FAT4: variants seen among roughly 807,000 people sequenced by gnomAD.
FAT4 encodes protocadherin Fat 4.
A neutral mutation model predicts 303.9 loss-of-function variants in FAT4; 84 were observed. The ratio of observed to expected loss-of-function variants is 0.28; its 90% CI spans 0.23 to 0.33. FAT4 has a LOEUF of 0.33. FAT4 is among the 10% of genes least tolerant of loss of function. The pLI is 1.00. For synonymous variants in FAT4, 2,307 were observed against 2,298.8 expected, an observed-to-expected ratio of 1.00 and a Z score of -0.10; for missense variants, 6,005 against 6,146.8, an observed-to-expected ratio of 0.98 and a Z score of 0.77.
At position 125,317,272 on chromosome 4, in the gene FAT4, T is replaced by C. The variant is rs1467019547; in HGVS notation, c.861T>C (p.Tyr287=). The change falls in exon 2 of 18, where the codon TAT becomes TAC. Residue 287 remains tyrosine, a synonymous_variant. Coordinates refer to ENST00000394329, the MANE Select transcript of FAT4 (RefSeq NM_001291303.3). The surrounding 1 kb of genome is among the most constrained non-coding windows in gnomAD (Gnocchi z 7.0). Reference sequence around the variant, plus strand: ...AGGGCACCAACGCGGACATCCGCTATCGCCTGCAGGACGAGGGGACCCCCT... The same window carrying C: ...AGGGCACCAACGCGGACATCCGCTACCGCCTGCAGGACGAGGGGACCCCCT... ...ADEGTNADIR[Y]RLQDEGTPFQ... 1.3e-6 allele frequency: 2 copies of C among 1,582,830 alleles called. No homozygotes were observed. The highest frequency in any genetic ancestry group is 2.3e-5 in the East Asian group (1 of 44,432).
rs1727551839 is a variant in FAT4 at position 125,489,918 on chromosome 4, A to G, written c.13102A>G (p.Ile4368Val). 1 of 1,409,078 alleles carries G rather than the reference A, an allele frequency of 7.1e-7. No homozygotes were observed. The highest frequency in any genetic ancestry group is 9.4e-7 in the Non-Finnish European group (1 of 1,060,914). The allele number at this position is 1,409,078 out of a possible 1,614,324, so 87.3% of individuals were successfully genotyped here. The change falls in exon 18 of 18, where the codon ATT (isoleucine) becomes GTT (valine). Residue 4368 changes from isoleucine to valine, a missense_variant. By Grantham distance (29) the Ile-to-Val change is conservative (BLOSUM62 3). Transcript: ENST00000394329. ...DAQTAGFDGC[I>V]ASMWYGGESL... is the part of the protein sequence containing the mutation. ...TCTCCCAGCAGGTTTTGATGGCTGC[A>G]TTGCTTCTATGTGGTATGGTGGAGA...
At chr4:125,420,733 T>G (rs1735257322) in intron 7 of FAT4, among the ~76,000 whole-genome samples, 1 of 152,210 alleles carries the variant, frequency 6.6e-6, no homozygotes, top group Admixed American at 6.5e-5. Flanking sequence ...TTCAAGTGCT[T>G]AAAATACTGC....
chr4:125,383,735 A>G (rs552672802), intron 2 of FAT4, among the ~76,000 whole-genome samples: 17 of 152,326 alleles, frequency 1.1e-4, no homozygotes, highest in African/African-American at 3.6e-4. Context: ...ATATTAAACC[A>G]TATCATGAAA....
At chr4:125,431,192 A>C (rs1307842455) in intron 7 of FAT4, among the ~76,000 whole-genome samples, 1 of 152,234 alleles carries the variant, frequency 6.6e-6, no homozygotes, top group Non-Finnish European at 1.5e-5. Flanking sequence ...ATTAATGTAA[A>C]GACTTTGACT....
Position 125,319,096 on chromosome 4 carries a change from G to C in FAT4, c.2685G>C (p.Gln895His). The C allele has an allele frequency of 6.2e-7, 1 of 1,614,124 alleles. No individual in the cohort carries two copies. Among genetic ancestry groups the C allele is most frequent in the South Asian group, 1.1e-5 (1 of 91,076 alleles). ...ATGACAACTCTCCCCATTTCCTTCA[G>C]GCAATAGAGAGTGTAAATGTGGTGG... ...DLNDNSPHFL[Q>H]AIESVNVVEN... The change falls in exon 2 of 18, where the codon CAG (glutamine) becomes CAC (histidine). Residue 895 changes from glutamine to histidine, a missense_variant. By Grantham distance (24) the Gln-to-His change is conservative (BLOSUM62 0). Transcript: ENST00000394329.
chr4:125,390,108 G>A (rs763404315), intron 2 of FAT4, among the ~76,000 whole-genome samples: 1 of 152,076 alleles, frequency 6.6e-6, no homozygotes. Flanking sequence ...TCCTTTCGTG[G>A]CAATACAGCT....
intron 5 of FAT4, among the ~76,000 whole-genome samples, chr4:125,411,267 T>G (rs2126023593): frequency 6.6e-6 from 1 of 152,144 alleles, no homozygotes; most frequent in Non-Finnish European, 1.5e-5. Context: ...TCAGATCTTT[T>G]ACTGTTTTCA....
intron 2 of FAT4, among the ~76,000 whole-genome samples, chr4:125,356,806 GATAAT>G (rs1732444822): frequency 6.7e-6 from 1 of 149,412 alleles, no homozygotes; most frequent in Non-Finnish European, 1.5e-5. Flanking sequence ...TATAAGATAT[GATAAT>G]ATAACAGATA....
intron 2 of FAT4, among the ~76,000 whole-genome samples, chr4:125,365,943 C>T (rs575478376): frequency 6.6e-6 from 1 of 152,182 alleles, no homozygotes; most frequent in South Asian, 2.1e-4. Context: ...GGCAGGCTAA[C>T]GAGCATTACC....
At position 125,451,800 on chromosome 4, in the gene FAT4, C is replaced by T; in HGVS notation, c.10790C>T (p.Ser3597Phe). The change falls in exon 10 of 18, where the codon TCT becomes TTT. Residue 3597 changes from serine to phenylalanine, a missense_variant. By Grantham distance (155) the Ser-to-Phe change is radical (BLOSUM62 -2). Transcript: ENST00000394329. ...AAGGATTCTGGTGTTCCTCAAATGT[C>T]TTCCACAGGAACTGTGCATATCACA... ...VTKDSGVPQM[S>F]STGTVHITVI... is the part of the protein sequence containing the mutation. 2 of 1,614,184 alleles carry T rather than the reference C, an allele frequency of 1.2e-6. No homozygotes were observed. The highest frequency in any genetic ancestry group is 1.7e-6 in the Non-Finnish European group (2 of 1,180,016).
At chr4:125,322,309 ACT>A (rs1330840848) in intron 2 of FAT4, among the ~76,000 whole-genome samples, 1 of 152,084 alleles carries the variant, frequency 6.6e-6, no homozygotes, top group South Asian at 2.1e-4. Flanking sequence ...GGATAGATAC[ACT>A]CTGTTCTGTT....
At chr4:125,341,158 A>G (rs1488304510) in intron 2 of FAT4, among the ~76,000 whole-genome samples, 2 of 152,204 alleles carry the variant, frequency 1.3e-5, no homozygotes, top group Admixed American at 6.5e-5. Flanking sequence ...TAGGAAAAGC[A>G]ATAGTTCTGA....
In FAT4 at chr4:125,321,138, T is replaced by C. The variant is rs766623170; in HGVS notation, c.4727T>C (p.Ile1576Thr). The change falls in exon 2 of 18, where the codon ATT (isoleucine) becomes ACT (threonine). Residue 1576 changes from isoleucine to threonine, a missense_variant. Ile to Thr is a moderately conservative substitution (Grantham distance 89). Coordinates refer to ENST00000394329, the MANE Select transcript of FAT4 (RefSeq NM_001291303.3). Reference sequence around the variant, plus strand: ...ATCAATGGGGACACAGACACCTTCATTGTTGATCGTTATAGTGGAGACCTG... The same window carrying C: ...ATCAATGGGGACACAGACACCTTCACTGTTGATCGTTATAGTGGAGACCTG... Reference protein sequence around the residue: ...EIINGDTDTFIVDRYSGDLRV... With the variant: ...EIINGDTDTFTVDRYSGDLRV... 7 of 1,614,050 alleles carry C rather than the reference T, an allele frequency of 4.3e-6. No individual in the cohort carries two copies. Among genetic ancestry groups the C allele is most frequent in the Non-Finnish European group, 5.9e-6 (7 of 1,180,006 alleles).
intron 5 of FAT4, among the ~76,000 whole-genome samples, chr4:125,412,392 A>G (rs1734880748): frequency 6.6e-6 from 1 of 151,882 alleles, no homozygotes; most frequent in Admixed American, 6.6e-5. Flanking sequence ...TTATGTAAAA[A>G]TAGTTATATT....
At chr4:125,419,524 A>T (rs1396118248) in intron 7 of FAT4, among the ~76,000 whole-genome samples, 1 of 152,182 alleles carries the variant, frequency 6.6e-6, no homozygotes, top group Non-Finnish European at 1.5e-5. Flanking sequence ...ATGGTGCATT[A>T]TTCAACAGGC....
chr4:125,447,829 T>A (rs1043471230), intron 9 of FAT4, among the ~76,000 whole-genome samples: 1 of 152,098 alleles, frequency 6.6e-6, no homozygotes, highest in African/African-American at 2.4e-5. Flanking sequence ...TATTTCTTAC[T>A]ACTTTACAAT....
intron 12 of FAT4, among the ~76,000 whole-genome samples, chr4:125,469,110 G>A (rs1356260671): frequency 6.6e-6 from 1 of 152,128 alleles, no homozygotes; most frequent in Non-Finnish European, 1.5e-5. Context: ...TCTTTCCTAA[G>A]TATTTCTGCC....
At chr4:125,477,056 T>G (rs978278567) in intron 13 of FAT4, 99 bp from the exon 14 acceptor site, 3 of 912,864 alleles carry the variant, frequency 3.3e-6, no homozygotes, top group Admixed American at 3.4e-5. Context: ...CTATAATAAA[T>G]GTCAAAAAAA....
Position 125,321,505 on chromosome 4 carries a change from G to A in FAT4, c.5094G>A (p.Arg1698=). 1 of 1,614,066 alleles carries A rather than the reference G, an allele frequency of 6.2e-7. No homozygotes were observed. Among genetic ancestry groups the A allele is most frequent in the East Asian group, 2.2e-5 (1 of 44,870 alleles). The change falls in exon 2 of 18, where the codon CGG becomes CGA. Residue 1698 remains arginine, a synonymous_variant. Transcript: ENST00000394329. ...GIIQTAAILD[R]EQGACLYLVD... ...TTCAGACCGCAGCCATTCTGGACCG[G>A]GAGCAAGGAGCATGTCTTTACCTGG...
Sources: allele counts gnomAD v4.1 joint callset (sites outside exome capture counted in the v4.1 genomes callset), GRCh38; gene constraint gnomAD v4.1.1; non-coding constraint Gnocchi (gnomAD v3.1); transcripts MANE v1.5; gene names NCBI Gene and HGNC (gene_info 2026-07-23, HGNC 2026-07-21).